ANK2: variants seen among roughly 807,000 people sequenced by gnomAD.
ANK2 encodes ankyrin 2.
Under a neutral mutation model 360.5 loss-of-function variants are expected in ANK2, and 83 were observed. The ratio of observed to expected loss-of-function variants is 0.23; its 90% CI spans 0.19 to 0.28. ANK2 has a LOEUF of 0.28. Ranked by LOEUF, ANK2 falls within the 10% of genes least tolerant of loss-of-function variation. ANK2 has a pLI of 1.00. For missense variants in ANK2, 4,201 were observed against 4,795.7 expected, an observed-to-expected ratio of 0.88 and a Z score of 3.66; for synonymous variants, 1,740 against 1,759.5, an observed-to-expected ratio of 0.99 and a Z score of 0.28.
At chr4:113,013,308 C>T (rs934676515) in intron 2 of ANK2, among the ~76,000 whole-genome samples, 10 of 152,122 alleles carry the variant, frequency 6.6e-5, no homozygotes, top group Admixed American at 6.5e-4. Context: ...CCATCTGACT[C>T]TTCCAAGAGT....
intron 1 of ANK2, among the ~76,000 whole-genome samples, chr4:113,133,963 A>G (rs2096236021): frequency 6.6e-6 from 1 of 152,164 alleles, no homozygotes; most frequent in African/African-American, 2.4e-5. Context: ...GAACAGACAA[A>G]CAAAATAGCA....
intron 4 of ANK2, among the ~76,000 whole-genome samples, chr4:113,231,248 T>G (rs1011509724): frequency 2.6e-5 from 4 of 152,000 alleles, no homozygotes; most frequent in Non-Finnish European, 5.9e-5. Flanking sequence ...GAGACAGGGT[T>G]TCACCATATT....
At chr4:112,915,628 AC>A (rs1367043041) in intron 2 of ANK2, among the ~76,000 whole-genome samples, 9 of 151,712 alleles carry the variant, frequency 5.9e-5, no homozygotes. Context: ...GGTGGCATAC[AC>A]CTGTAGTCTC....
At chr4:113,261,100 C>T (rs2052625841) in intron 13 of ANK2, among the ~76,000 whole-genome samples, 1 of 152,206 alleles carries the variant, frequency 6.6e-6, no homozygotes, top group African/African-American at 2.4e-5. Flanking sequence ...TGGACATGAG[C>T]ATACCCATTC....
At chr4:113,289,549 T>G (rs1207882316) in intron 20 of ANK2, among the ~76,000 whole-genome samples, 1 of 152,166 alleles carries the variant, frequency 6.6e-6, no homozygotes, top group African/African-American at 2.4e-5. Flanking sequence ...TGGGCTCAAG[T>G]AAATTAGTGT....
chr4:113,381,110 A>G (rs1554667), intron 45 of ANK2, among the ~76,000 whole-genome samples: 14,314 of 152,202 alleles, frequency 0.094, 2,088 homozygotes, highest in African/African-American at 0.31. Flanking sequence ...ACCAAACTCT[A>G]TTAAGTAAGG....
At chr4:113,214,421 C>T in intron 4 of ANK2, 1 of 870,876 alleles carries the variant, frequency 1.1e-6, no homozygotes, top group Non-Finnish European at 1.8e-6. Context: ...GAGAGAGGAG[C>T]CAAAATGCTG....
intron 2 of ANK2, among the ~76,000 whole-genome samples, chr4:113,182,506 A>G (rs2098438353): frequency 1.3e-5 from 2 of 152,338 alleles, no homozygotes; most frequent in Middle Eastern, 3.4e-3. Flanking sequence ...GCCCTGGAGT[A>G]CTACAATATT....
At chr4:112,913,621 A>G (rs529898879) in intron 2 of ANK2, among the ~76,000 whole-genome samples, 152 of 152,314 alleles carry the variant, frequency 1.0e-3, no homozygotes, top group African/African-American at 3.3e-3. Flanking sequence ...CTGGATGGTT[A>G]AAAATATGTT....
chr4:113,063,794 C>A (rs2074504397), intron 1 of ANK2, among the ~76,000 whole-genome samples: 1 of 152,066 alleles, frequency 6.6e-6, no homozygotes, highest in Non-Finnish European at 1.5e-5. Context: ...GAAAACAGAT[C>A]TCAGGACTAT....
chr4:112,931,041 A>G (rs2093167740), intron 2 of ANK2, among the ~76,000 whole-genome samples: 1 of 152,192 alleles, frequency 6.6e-6, no homozygotes, highest in Admixed American at 6.5e-5. Context: ...GTCAGAACAC[A>G]AGGTCATGGA....
chr4:112,718,796 C>A, the ANK2 span, among the ~76,000 whole-genome samples: 2 of 151,648 alleles, frequency 1.3e-5, no homozygotes, highest in African/African-American at 4.9e-5. Flanking sequence ...TGCCACCACA[C>A]CTGGCTAGTT....
intron 41 of ANK2, among the ~76,000 whole-genome samples, chr4:113,365,399 T>C (rs902262189): frequency 7.2e-5 from 11 of 152,294 alleles, no homozygotes; most frequent in Non-Finnish European, 1.6e-4. Flanking sequence ...TTCTTTGTTA[T>C]TTCACAGATA....
At chr4:113,224,876 G>GTTTTTTTTTTTTTTT (rs11325379) in intron 4 of ANK2, among the ~76,000 whole-genome samples, 2 of 133,244 alleles carry the variant, frequency 1.5e-5, no homozygotes, top group Non-Finnish European at 3.2e-5. Context: ...GATCTTTGAA[G>GTTTTTTTTTTTTTTT]TTTTTTTTTT....
At chr4:112,879,088 A>C (rs1024169841) in intron 1 of ANK2, among the ~76,000 whole-genome samples, 1 of 152,200 alleles carries the variant, frequency 6.6e-6, no homozygotes, top group African/African-American at 2.4e-5. Context: ...ATGAGATGGA[A>C]GTTGCATGTA....
chr4:112,920,757 C>G (rs966987435), intron 2 of ANK2, among the ~76,000 whole-genome samples: 1 of 152,128 alleles, frequency 6.6e-6, no homozygotes, highest in Non-Finnish European at 1.5e-5. Context: ...ATGCTCTGTT[C>G]TATTCTCATT....
At chr4:113,296,662 T>C (rs2071632422) in intron 22 of ANK2, among the ~76,000 whole-genome samples, 2 of 152,168 alleles carry the variant, frequency 1.3e-5, no homozygotes, top group Admixed American at 1.3e-4. Flanking sequence ...TTTTCTAACT[T>C]TACTTTGTGA....
chr4:112,987,344 C>G (rs1322791518), intron 2 of ANK2, among the ~76,000 whole-genome samples: 1 of 152,164 alleles, frequency 6.6e-6, no homozygotes, highest in Non-Finnish European at 1.5e-5. Context: ...GTGATGTTCT[C>G]TATACTCAGC....
intron 2 of ANK2, among the ~76,000 whole-genome samples, chr4:112,950,671 AG>A: frequency 6.6e-6 from 1 of 151,500 alleles, no homozygotes; most frequent in Non-Finnish European, 1.5e-5. Context: ...AAAGAAAAAA[AG>A]AAAGGTTAAA....
Sources: gnomAD v4.1 joint callset for allele counts (sites outside exome capture counted in the v4.1 genomes callset) on GRCh38, gnomAD v4.1.1 for gene constraint, MANE v1.5 for transcripts, NCBI Gene and HGNC (gene_info 2026-07-23, HGNC 2026-07-21) for gene names.